Variants in NSMCE2 observed in about 807,000 individuals in gnomAD.
The protein encoded by NSMCE2 is E3 SUMO-protein ligase NSE2.
A neutral mutation model predicts 23.8 loss-of-function variants in NSMCE2; 24 were observed. The ratio of observed to expected loss-of-function variants is 1.01; its 90% CI spans 0.73 to 1.42. NSMCE2 has a LOEUF of 1.42. Ranked by LOEUF, NSMCE2 falls within the 40% of genes most tolerant of loss-of-function variation. The pLI, the probability that NSMCE2 is intolerant of heterozygous loss-of-function variation, is 0.00. For missense variants in NSMCE2, 284 were observed against 296.5 expected, an observed-to-expected ratio of 0.96 and a Z score of 0.31; for synonymous variants, 92 against 94.1, an observed-to-expected ratio of 0.98 and a Z score of 0.13.
chr8:125,267,289 G>C (rs1232186220), intron 5 of NSMCE2, among the ~76,000 whole-genome samples: 1 of 152,112 alleles, frequency 6.6e-6, no homozygotes, highest in Non-Finnish European at 1.5e-5. Flanking sequence ...TTACAGGCCT[G>C]AGCCACCGCG....
intron 3 of NSMCE2, among the ~76,000 whole-genome samples, chr8:125,137,753 A>G (rs1281292128): frequency 1.3e-5 from 2 of 152,204 alleles, no homozygotes; most frequent in Non-Finnish European, 2.9e-5. Flanking sequence ...TCCTGATTTA[A>G]GTCCTGCTTC....
intron 3 of NSMCE2, chr8:125,130,087 A>T (rs891463763): frequency 6.9e-5 from 23 of 335,704 alleles, no homozygotes; most frequent in African/African-American, 4.7e-4. Flanking sequence ...GACGCTTCTT[A>T]GTTGGTTTCG....
chr8:125,099,187 A>G (rs1057423355), intron 1 of NSMCE2, among the ~76,000 whole-genome samples: 4 of 152,146 alleles, frequency 2.6e-5, no homozygotes, highest in African/African-American at 7.2e-5. Flanking sequence ...AAACCTAATA[A>G]ATACAAGAAT....
rs80099114 is a variant in NSMCE2, at chr8:125,292,202, T to C, written c.419-65017T>C. Among the ~76,000 whole-genome samples the C allele has an allele frequency of 2.1e-3, 307 of 149,660 alleles. 8 individuals carry two copies. In the East Asian group the frequency reaches 0.046, roughly 22 times the overall value. On this transcript the variant is annotated intron_variant, in intron 5 of 7. Coordinates refer to ENST00000287437, the MANE Select transcript of NSMCE2 (RefSeq NM_173685.4). ...GTCTGCCACACTAGCAATATGTAGA[T>C]TCAAGAAGCTATGGGAGGAAAAAAA...
At chr8:125,301,883 C>G (rs1482248170) in intron 5 of NSMCE2, among the ~76,000 whole-genome samples, 2 of 151,912 alleles carry the variant, frequency 1.3e-5, no homozygotes, top group African/African-American at 4.8e-5. Context: ...AGACTGGTCT[C>G]GAACTCCTGA....
In NSMCE2 at chr8:125,222,741, C is replaced by G. The variant is rs748117916; in HGVS notation, c.418+40485C>G. Among the ~76,000 whole-genome samples, 3 of 152,236 alleles carry G rather than the reference C, an allele frequency of 2.0e-5. No individual in the cohort carries two copies. The East Asian group carries it at 5.8e-4, about 29-fold the overall frequency. ...TAGTATTCCATTGTATATGTATATA[C>G]CACATTTTTTAAATCTGTTCATCGA... On this transcript the variant is annotated intron_variant, in intron 5 of 7. Transcript: ENST00000287437.
chr8:125,217,645 C>A (rs998064716), intron 5 of NSMCE2, among the ~76,000 whole-genome samples: 2 of 152,090 alleles, frequency 1.3e-5, no homozygotes, highest in Non-Finnish European at 2.9e-5. Flanking sequence ...GGATTACAGG[C>A]GTGAGCCACC....
At position 125,288,018 on chromosome 8, in the gene NSMCE2, G is replaced by T. The variant is rs138522654; in HGVS notation, c.419-69201G>T. Among the ~76,000 whole-genome samples, 3 of 152,266 alleles carry T rather than the reference G, an allele frequency of 2.0e-5. No individual in the cohort carries two copies. The East Asian group carries it at 5.8e-4, about 29-fold the overall frequency. On this transcript the variant is annotated intron_variant, in intron 5 of 7. Coordinates refer to ENST00000287437, the MANE Select transcript of NSMCE2 (RefSeq NM_173685.4). ...TCTCTGTTTTTCTTGTGGAGACAGGGTCTCGGTATGTTGCCCGGGCTCTTC... is the reference window on the plus strand; with the variant it reads ...TCTCTGTTTTTCTTGTGGAGACAGGTTCTCGGTATGTTGCCCGGGCTCTTC...
intron 3 of NSMCE2, among the ~76,000 whole-genome samples, chr8:125,102,925 A>G (rs1037467197): frequency 1.3e-5 from 2 of 152,232 alleles, no homozygotes; most frequent in Non-Finnish European, 2.9e-5. Context: ...GAAAAGTTCA[A>G]CTTTAATGAA....
chr8:125,197,974 A>G (rs187734307), intron 5 of NSMCE2, among the ~76,000 whole-genome samples: 1 of 152,226 alleles, frequency 6.6e-6, no homozygotes, highest in East Asian at 1.9e-4. Flanking sequence ...GAGTTCACTC[A>G]TGATTTGGGT....
At chr8:125,148,692 A>C (rs1476182105) in intron 3 of NSMCE2, among the ~76,000 whole-genome samples, 1 of 152,188 alleles carries the variant, frequency 6.6e-6, no homozygotes, top group African/African-American at 2.4e-5. Flanking sequence ...ATCAGAATCT[A>C]ATACTCATAA....
intron 5 of NSMCE2, among the ~76,000 whole-genome samples, chr8:125,313,160 A>G (rs1002606899): frequency 6.6e-6 from 1 of 151,002 alleles, no homozygotes; most frequent in Non-Finnish European, 1.5e-5. Context: ...GGAAGGAAGG[A>G]AAAAAAGGAA....
intron 5 of NSMCE2, among the ~76,000 whole-genome samples, chr8:125,198,474 A>G (rs1471766858): frequency 6.6e-6 from 1 of 152,146 alleles, no homozygotes; most frequent in Non-Finnish European, 1.5e-5. Flanking sequence ...GGTTCTGTTT[A>G]TGTGATGGAT....
At chr8:125,324,955 G>A (rs1359596253) in intron 5 of NSMCE2, among the ~76,000 whole-genome samples, 3 of 151,904 alleles carry the variant, frequency 2.0e-5, no homozygotes, top group Admixed American at 1.3e-4. Flanking sequence ...GGGAGTAGAA[G>A]CCTGAAAGTG....
At chr8:125,147,093 G>C (rs934237502) in intron 3 of NSMCE2, among the ~76,000 whole-genome samples, 1 of 152,110 alleles carries the variant, frequency 6.6e-6, no homozygotes, top group Non-Finnish European at 1.5e-5. Flanking sequence ...TTGCAGAAGT[G>C]TTGTACAGCA....
intron 5 of NSMCE2, among the ~76,000 whole-genome samples, chr8:125,341,044 G>C (rs1446619266): frequency 6.6e-6 from 1 of 152,152 alleles, no homozygotes; most frequent in East Asian, 1.9e-4. Context: ...TTCAGAGAGA[G>C]GCTTTCCCAA....
At chr8:125,276,567 G>A (rs776776080) in intron 5 of NSMCE2, among the ~76,000 whole-genome samples, 8 of 151,392 alleles carry the variant, frequency 5.3e-5, no homozygotes, top group Non-Finnish European at 7.4e-5. Flanking sequence ...AAAGGCAGAC[G>A]CATATGGTTA....
intron 5 of NSMCE2, among the ~76,000 whole-genome samples, chr8:125,306,223 G>A (rs1167274272): frequency 1.3e-5 from 2 of 151,864 alleles, no homozygotes; most frequent in Non-Finnish European, 2.9e-5. Context: ...CCAGCTTCTC[G>A]GGAGGCTGAG....
intron 4 of NSMCE2, among the ~76,000 whole-genome samples, chr8:125,159,368 AC>A (rs1821484421): frequency 6.6e-6 from 1 of 152,208 alleles, no homozygotes; most frequent in Non-Finnish European, 1.5e-5. Flanking sequence ...ATAATATCAT[AC>A]TTTTACTGTA....
Sources: gnomAD v4.1 joint callset for allele counts (sites outside exome capture counted in the v4.1 genomes callset) on GRCh38, gnomAD v4.1.1 for gene constraint, MANE v1.5 for transcripts, NCBI Gene and HGNC (gene_info 2026-07-23, HGNC 2026-07-21) for gene names.